GABRG3: variants seen among roughly 807,000 people sequenced by gnomAD.
GABRG3 encodes gamma-aminobutyric acid type A receptor subunit gamma3, also known as gamma-aminobutyric acid receptor subunit gamma-3.
A neutral mutation model predicts 48.8 loss-of-function variants in GABRG3; 25 were observed. The observed-to-expected ratio is 0.51, with a 90% confidence interval of 0.37 to 0.72. The LOEUF (loss-of-function observed/expected upper bound fraction) is 0.72. GABRG3 is among the 30% of genes least tolerant of loss of function. The pLI is 0.00. For missense variants in GABRG3, 394 were observed against 577.9 expected, an observed-to-expected ratio of 0.68 and a Z score of 3.26; for synonymous variants, 227 against 217.6, an observed-to-expected ratio of 1.04 and a Z score of -0.38.
chr15:27,197,469 ATTTT>A (rs36104116), intron 3 of GABRG3, among the ~76,000 whole-genome samples: 16 of 143,438 alleles, frequency 1.1e-4, no homozygotes, highest in African/African-American at 2.8e-4. Flanking sequence ...TTTAACGGCT[ATTTT>A]TTTTTTTTTT....
At chr15:27,223,722 G>C (rs866439102) in intron 3 of GABRG3, among the ~76,000 whole-genome samples, 1 of 152,036 alleles carries the variant, frequency 6.6e-6, no homozygotes, top group Non-Finnish European at 1.5e-5. Flanking sequence ...TGTCCCCCGT[G>C]CCACACTTCA....
intron 3 of GABRG3, among the ~76,000 whole-genome samples, chr15:27,248,787 C>CACACACACACACAT (rs1890345035): frequency 2.7e-5 from 3 of 113,190 alleles, no homozygotes; most frequent in African/African-American, 1.2e-4. Flanking sequence ...CACACACACA[C>CACACACACACACAT]ACACACACAC....
At chr15:27,308,762 A>C (rs1892866956) in intron 3 of GABRG3, among the ~76,000 whole-genome samples, 1 of 150,156 alleles carries the variant, frequency 6.7e-6, no homozygotes, top group African/African-American at 2.4e-5. Flanking sequence ...TATAATGTAA[A>C]CATACGTTTA....
intron 2 of GABRG3, among the ~76,000 whole-genome samples, chr15:27,017,493 C>A (rs1363454124): frequency 1.3e-5 from 2 of 152,104 alleles, no homozygotes; most frequent in African/African-American, 4.8e-5. Flanking sequence ...GTTGTGAGTC[C>A]ACCAACCTGC....
intron 5 of GABRG3, among the ~76,000 whole-genome samples, chr15:27,381,294 G>C (rs1282566445): frequency 6.6e-6 from 1 of 152,218 alleles, no homozygotes; most frequent in Non-Finnish European, 1.5e-5. Flanking sequence ...GTTAAGAACA[G>C]AATGCTCTCG....
intron 3 of GABRG3, among the ~76,000 whole-genome samples, chr15:27,159,684 G>A (rs1031670928): frequency 6.6e-6 from 1 of 151,864 alleles, no homozygotes; most frequent in African/African-American, 2.4e-5. Context: ...TTCCCCTTTT[G>A]TTCCCCCGCT....
intron 3 of GABRG3, among the ~76,000 whole-genome samples, chr15:27,076,035 C>T (rs1043627246): frequency 6.6e-6 from 1 of 152,164 alleles, no homozygotes; most frequent in Non-Finnish European, 1.5e-5. Context: ...ATTTGGGGGG[C>T]TTCCTCACAG....
intron 3 of GABRG3, among the ~76,000 whole-genome samples, chr15:27,071,899 A>T (rs1414292171): frequency 6.6e-6 from 1 of 152,200 alleles, no homozygotes; most frequent in African/African-American, 2.4e-5. Flanking sequence ...CCTCTTTCAC[A>T]GTTGTGGGGA....
chr15:27,068,754 T>C (rs534848092), intron 3 of GABRG3, among the ~76,000 whole-genome samples: 1 of 152,338 alleles, frequency 6.6e-6, no homozygotes, highest in African/African-American at 2.4e-5. Context: ...TGCAGTGCAG[T>C]TGCAAAGAGA....
chr15:27,200,307 A>G (rs563682511), intron 3 of GABRG3, among the ~76,000 whole-genome samples: 28 of 152,324 alleles, frequency 1.8e-4, no homozygotes, highest in African/African-American at 5.3e-4. Context: ...TCTTCTGTCT[A>G]TTACAGAGGT....
In GABRG3 at chr15:27,016,960, G is replaced by C. The variant is rs569096015; in HGVS notation, c.203-9794G>C. Among the ~76,000 whole-genome samples, 8 of 152,084 alleles carry C rather than the reference G, an allele frequency of 5.3e-5. No homozygotes were observed. The South Asian group carries it at 1.7e-3, about 32-fold the overall frequency. On this transcript the variant is annotated intron_variant, in intron 2 of 9. Coordinates refer to ENST00000615808, the MANE Select transcript of GABRG3 (RefSeq NM_033223.5). ...TGTTTGTTTCTTCTTCTTAGTTTCT[G>C]TCTCTTTTCTGATATTATCATTTTG...
chr15:27,313,059 G>A (rs1045703352), intron 3 of GABRG3, among the ~76,000 whole-genome samples: 1 of 149,254 alleles, frequency 6.7e-6, no homozygotes, highest in Non-Finnish European at 1.5e-5. Flanking sequence ...CATGCAAATG[G>A]CAACCAAAAG....
chr15:27,056,353 CAAAAAAAAAAAA>C (rs58665097), intron 3 of GABRG3, among the ~76,000 whole-genome samples: 4 of 57,162 alleles, frequency 7.0e-5, no homozygotes, highest in Admixed American at 1.9e-4. Flanking sequence ...ACCCTGTCTC[CAAAAAAAAAAAA>C]AAAAAAAAGA....
intron 5 of GABRG3, among the ~76,000 whole-genome samples, chr15:27,429,225 A>T (rs1888377955): frequency 6.6e-6 from 1 of 152,182 alleles, no homozygotes; most frequent in South Asian, 2.1e-4. Context: ...TCATATTATT[A>T]TAGTCTTGAG....
intron 5 of GABRG3, among the ~76,000 whole-genome samples, chr15:27,393,122 G>T (rs1347348825): frequency 6.6e-6 from 1 of 152,130 alleles, no homozygotes; most frequent in East Asian, 1.9e-4. Flanking sequence ...AAGGCGGGCA[G>T]ATCACGAGGT....
chr15:27,076,401 G>A (rs1896911245), intron 3 of GABRG3, among the ~76,000 whole-genome samples: 1 of 141,824 alleles, frequency 7.1e-6, no homozygotes, highest in Non-Finnish European at 1.5e-5. Flanking sequence ...TCGGCTCACT[G>A]CAACCTCCAC....
At chr15:27,098,963 A>G (rs1248333540) in intron 3 of GABRG3, among the ~76,000 whole-genome samples, 1 of 152,174 alleles carries the variant, frequency 6.6e-6, no homozygotes, top group Non-Finnish European at 1.5e-5. Flanking sequence ...CTTAAGGGAC[A>G]ACACATGATG....
intron 5 of GABRG3, among the ~76,000 whole-genome samples, chr15:27,468,130 C>A (rs1326550790): frequency 1.3e-5 from 2 of 152,170 alleles, no homozygotes; most frequent in African/African-American, 4.8e-5. Context: ...CCACCCCTGC[C>A]GGTGTCCAGG....
intron 3 of GABRG3, among the ~76,000 whole-genome samples, chr15:27,054,648 G>A (rs1427187122): frequency 6.6e-6 from 1 of 152,172 alleles, no homozygotes; most frequent in Admixed American, 6.5e-5. Context: ...ACAACGCAGA[G>A]CTGCAGATCC....
Sources: allele counts gnomAD v4.1 joint callset (sites outside exome capture counted in the v4.1 genomes callset), GRCh38; gene constraint gnomAD v4.1.1; transcripts MANE v1.5; gene names NCBI Gene and HGNC (gene_info 2026-07-23, HGNC 2026-07-21).